The following LRRC36 variants were observed in gnomAD, a reference collection of about 807,000 sequenced individuals.
LRRC36 encodes leucine-rich repeat-containing protein 36.
LRRC36 carries 62 observed loss-of-function variants against 81.1 expected under a neutral mutation model. That is an observed-to-expected ratio of 0.76 (90% CI 0.62 to 0.94). The LOEUF is 0.94. Ranked by LOEUF, LRRC36 falls within the 40% of genes least tolerant of loss-of-function variation. The probability of loss-of-function intolerance (pLI) is 0.00; values close to 1 mark genes in which losing one functional copy is unlikely to be tolerated. For missense variants in LRRC36, 761 were observed against 881.7 expected (o/e 0.86, Z 1.73); for synonymous variants, 334 against 348.6 (o/e 0.96, Z 0.47).
At chr16:67,350,584 G>C (rs923915938) in intron 5 of LRRC36, among the ~76,000 whole-genome samples, 2 of 152,154 alleles carry the variant, frequency 1.3e-5, no homozygotes, top group African/African-American at 4.8e-5. Context: ...TTTAATTAGA[G>C]ACTGGCGACT....
At chr16:67,369,235 A>G (rs1326498133) in intron 8 of LRRC36, among the ~76,000 whole-genome samples, 8 of 152,208 alleles carry the variant, frequency 5.3e-5, no homozygotes, top group Admixed American at 5.2e-4. Context: ...GAGCCCTCCA[A>G]CAATTAGAAG....
intron 13 of LRRC36, among the ~76,000 whole-genome samples, chr16:67,383,309 T>C (rs1163210107): frequency 6.6e-6 from 1 of 152,210 alleles, no homozygotes; most frequent in Non-Finnish European, 1.5e-5. Context: ...TTCAGAGGAT[T>C]AGACCCAGAA....
intron 1 of LRRC36, among the ~76,000 whole-genome samples, chr16:67,331,064 AG>A (rs2037459699): frequency 8.9e-6 from 1 of 112,710 alleles, no homozygotes; most frequent in Non-Finnish European, 1.8e-5. Flanking sequence ...GAGATGTGAG[AG>A]AGAAAGAGAG....
chr16:67,368,530 CA>C (rs2039500485), intron 8 of LRRC36, among the ~76,000 whole-genome samples: 2 of 152,084 alleles, frequency 1.3e-5, no homozygotes. Context: ...TTTTCATGTA[CA>C]AGGAACCTCA....
chr16:67,351,907 A>G (rs1002213085), intron 5 of LRRC36, among the ~76,000 whole-genome samples: 4 of 152,236 alleles, frequency 2.6e-5, no homozygotes, highest in Non-Finnish European at 5.9e-5. Flanking sequence ...TTTTGGTCCT[A>G]GTTAATGCTT....
rs1251339445 is a variant in LRRC36 at position 67,363,642 on chromosome 16, C to T, written c.630C>T (p.Ser210=). The T allele has an allele frequency of 6.2e-7, 1 of 1,613,810 alleles. No individual in the cohort carries two copies. Among genetic ancestry groups the T allele is most frequent in the Non-Finnish European group, 8.5e-7 (1 of 1,179,842 alleles). The part of the protein sequence containing the change: ...IPFPNREIKD[S]LSTSATQGNG... ...TCCCCAACCGGGAAATAAAGGATTCCCTAAGTACTTCTGCAACTCAGGGCA... is the reference window on the plus strand; with the variant it reads ...TCCCCAACCGGGAAATAAAGGATTCTCTAAGTACTTCTGCAACTCAGGGCA... The change falls in exon 6 of 14, where the codon TCC becomes TCT. Residue 210 remains serine (S), a synonymous_variant. Transcript: ENST00000329956.
At chr16:67,350,774 C>T (rs1261764019) in intron 5 of LRRC36, among the ~76,000 whole-genome samples, 1 of 152,212 alleles carries the variant, frequency 6.6e-6, no homozygotes, top group Non-Finnish European at 1.5e-5. Flanking sequence ...CACAGTGGCT[C>T]ACGCCTGTAA....
chr16:67,344,900 A>G (rs1182226733), intron 2 of LRRC36, among the ~76,000 whole-genome samples: 2 of 152,250 alleles, frequency 1.3e-5, no homozygotes, highest in East Asian at 3.8e-4. Flanking sequence ...GAATAAAAAC[A>G]TTATTTTATA....
In LRRC36 at chr16:67,365,294, CTTT is replaced by C. The variant is rs758480873; in HGVS notation, c.703-5_703-3del. The C allele has an allele frequency of 3.9e-5, 63 of 1,611,186 alleles. 1 individual carries two copies. The South Asian group carries it at 6.8e-4, about 17-fold the overall frequency. ...ACTTCCTTCTACCTAAACTTTCGAA[CTTT>C]TTTTAGACACAGGAAGTAGCAAGAA... On this transcript the variant is annotated splice_polypyrimidine_tract_variant and splice_region_variant and intron_variant, in intron 6 of 13. Transcript: ENST00000329956.
At chr16:67,338,738 T>C (rs1227930496) in intron 1 of LRRC36, among the ~76,000 whole-genome samples, 1 of 152,070 alleles carries the variant, frequency 6.6e-6, no homozygotes, top group African/African-American at 2.4e-5. Context: ...TATATAATGT[T>C]TAAAAATCAT....
chr16:67,351,756 T>A (rs1378157152), intron 5 of LRRC36, among the ~76,000 whole-genome samples: 1 of 152,182 alleles, frequency 6.6e-6, no homozygotes, highest in East Asian at 1.9e-4. Context: ...TTAATGTTCA[T>A]TTCTTGGATG....
chr16:67,362,360 ACCAGGCTGG>A (rs940743662), intron 5 of LRRC36: 57 of 325,780 alleles, frequency 1.7e-4, no homozygotes, highest in African/African-American at 1.2e-3. Flanking sequence ...ACGGGATTTC[ACCAGGCTGG>A]CCAGGCTGGT....
At position 67,370,934 on chromosome 16, in the gene LRRC36, T is replaced by G. The variant is rs1234755561; in HGVS notation, c.1196-10T>G. 3 of 1,606,172 alleles carry G rather than the reference T, an allele frequency of 1.9e-6. No homozygotes were observed. The highest frequency in any genetic ancestry group is 2.6e-6 in the Non-Finnish European group (3 of 1,173,964). On this transcript the variant is annotated splice_polypyrimidine_tract_variant and intron_variant, in intron 8 of 13. Transcript: ENST00000329956. The stretch of plus-strand genomic sequence containing the variant: ...GGGCAGGTTCATCTGTTAGCCTGTT[T>G]CCTCCACAGATCTGTATGCCACAAC...
At chr16:67,373,837 C>G (rs1040360863) in intron 9 of LRRC36, among the ~76,000 whole-genome samples, 5 of 150,782 alleles carry the variant, frequency 3.3e-5, no homozygotes, top group African/African-American at 1.2e-4. Context: ...CTTGGCAAAA[C>G]ACTGTCTCCA....
intron 1 of LRRC36, among the ~76,000 whole-genome samples, chr16:67,339,641 C>T (rs1322388795): frequency 6.6e-6 from 1 of 152,132 alleles, no homozygotes; most frequent in African/African-American, 2.4e-5. Context: ...GGTTTTGGAG[C>T]TCCCTCTTCT....
chr16:67,375,468 T>C (rs1167138994), intron 10 of LRRC36, 56 bp downstream of exon 10: 1 of 1,472,982 alleles, frequency 6.8e-7, no homozygotes, highest in Non-Finnish European at 9.0e-7. Flanking sequence ...CTCTGCTCTG[T>C]GTTCTGCTAA....
At chr16:67,374,331 A>G (rs1006996879) in intron 9 of LRRC36, among the ~76,000 whole-genome samples, 2 of 152,074 alleles carry the variant, frequency 1.3e-5, no homozygotes, top group African/African-American at 4.8e-5. Context: ...TAATATTTCT[A>G]TTATATAACA....
intron 1 of LRRC36, among the ~76,000 whole-genome samples, chr16:67,340,286 T>C (rs2037967885): frequency 6.6e-6 from 1 of 152,192 alleles, no homozygotes; most frequent in Non-Finnish European, 1.5e-5. Flanking sequence ...TGGTTGCTAT[T>C]CGCAGTTTGG....
intron 1 of LRRC36, among the ~76,000 whole-genome samples, chr16:67,329,953 A>G (rs980416396): frequency 6.6e-6 from 1 of 152,168 alleles, no homozygotes. Flanking sequence ...TATATGGTCC[A>G]TATATTGCAA....
Sources: allele counts gnomAD v4.1 joint callset (sites outside exome capture counted in the v4.1 genomes callset), GRCh38; gene constraint gnomAD v4.1.1; transcripts MANE v1.5; gene names NCBI Gene and HGNC (gene_info 2026-07-23, HGNC 2026-07-21).